The following AMD1 variants were observed in gnomAD, a reference collection of about 807,000 sequenced individuals.
The protein encoded by AMD1 is adenosylmethionine decarboxylase 1, also known as S-adenosylmethionine decarboxylase proenzyme.
A neutral mutation model predicts 40.2 loss-of-function variants in AMD1; 11 were observed. That is an observed-to-expected ratio of 0.27 (90% CI 0.17 to 0.45). The LOEUF (loss-of-function observed/expected upper bound fraction) is 0.45, where lower values mean the gene tolerates loss of function less well. Among genes scored for constraint, AMD1 ranks in the 20% least tolerant of loss-of-function variants. AMD1 has a pLI of 1.00. For missense variants in AMD1, 257 were observed against 410.2 expected, an observed-to-expected ratio of 0.63 and a Z score of 3.23; for synonymous variants, 121 against 130.8, an observed-to-expected ratio of 0.93 and a Z score of 0.51.
chr6:110,815,044 G>A, the AMD1 span: 1 of 1,604,648 alleles, frequency 6.2e-7, no homozygotes, highest in Non-Finnish European at 8.5e-7. Flanking sequence ...CGTGACCGTA[G>A]GTGCCGCGTC....
At chr6:110,827,830 A>G in the AMD1 span, among the ~76,000 whole-genome samples, 3 of 151,870 alleles carry the variant, frequency 2.0e-5, no homozygotes, top group African/African-American at 7.2e-5. Flanking sequence ...TTTTAGTGGT[A>G]TTACTCTACT....
the AMD1 span, chr6:110,815,181 G>T: frequency 6.5e-7 from 1 of 1,541,918 alleles, no homozygotes; most frequent in Non-Finnish European, 8.7e-7. Context: ...GGCCGCCGCC[G>T]CTCAGTCCCT....
At chr6:110,876,226 G>A (rs960675382) in intron 1 of AMD1, among the ~76,000 whole-genome samples, 6 of 152,238 alleles carry the variant, frequency 3.9e-5, no homozygotes, top group Non-Finnish European at 2.9e-5. Context: ...GGATGCTTAG[G>A]CCTTGTTCCT....
the AMD1 span, among the ~76,000 whole-genome samples, chr6:110,854,795 GT>G: frequency 4.6e-5 from 7 of 151,988 alleles, no homozygotes; most frequent in Non-Finnish European, 8.8e-5. Context: ...CGTTAATTGA[GT>G]TTATATTGAA....
the AMD1 span, among the ~76,000 whole-genome samples, chr6:110,844,943 CAGA>C: frequency 6.6e-6 from 1 of 151,466 alleles, no homozygotes. Context: ...CTAATCATCA[CAGA>C]AGGTGAAATG....
At chr6:110,857,527 G>A in the AMD1 span, among the ~76,000 whole-genome samples, 7 of 116,456 alleles carry the variant, frequency 6.0e-5, no homozygotes, top group African/African-American at 2.1e-4. Flanking sequence ...GTGAAACTCT[G>A]TCTCAAAAAA....
chr6:110,837,177 A>C, the AMD1 span, among the ~76,000 whole-genome samples: 1 of 132,776 alleles, frequency 7.5e-6, no homozygotes, highest in Non-Finnish European at 1.7e-5. Flanking sequence ...CGTCTCAAAA[A>C]AAAAAAAAAA....
chr6:110,820,244 T>C, the AMD1 span, among the ~76,000 whole-genome samples: 15 of 151,500 alleles, frequency 9.9e-5, no homozygotes, highest in Non-Finnish European at 1.5e-4. Context: ...TTCTTTCTTT[T>C]TTTTTTTTTG....
intron 4 of AMD1, 104 bp from the exon 5 acceptor site, chr6:110,892,057 A>T: frequency 7.6e-7 from 1 of 1,320,534 alleles, no homozygotes; most frequent in South Asian, 1.2e-5. Flanking sequence ...GACATTTCTA[A>T]TAAGTGGCAA....
chr6:110,839,619 T>C, the AMD1 span, among the ~76,000 whole-genome samples: 4 of 152,254 alleles, frequency 2.6e-5, no homozygotes, highest in Non-Finnish European at 5.9e-5. Flanking sequence ...AGCCTCAATC[T>C]AAAAAATAAA....
chr6:110,889,062 T>G, intron 3 of AMD1, 79 bp downstream of exon 3: 1 of 1,525,110 alleles, frequency 6.6e-7, no homozygotes, highest in South Asian at 1.2e-5. Flanking sequence ...GTAAATAAAT[T>G]TATATACTTA....
chr6:110,880,580 C>A (rs80098969), intron 1 of AMD1, among the ~76,000 whole-genome samples: 4,209 of 152,270 alleles, frequency 0.028, 90 homozygotes, highest in South Asian at 0.1. Context: ...TGCATGTGGA[C>A]ATCCATTTTT....
chr6:110,884,310 A>G (rs1785569193), intron 1 of AMD1, among the ~76,000 whole-genome samples: 1 of 152,254 alleles, frequency 6.6e-6, no homozygotes, highest in Admixed American at 6.5e-5. Flanking sequence ...CCAGGATGCC[A>G]TCCTAAATTA....
chr6:110,892,207 T>C lies in AMD1; in HGVS notation c.470+4T>C, dbSNP rs1407446416. ...GACGTATGAATTCTGACTGTTGGTA[T>C]GTTTAATGCAATTTTGTGGATTTTT... On this transcript the variant is annotated splice_donor_region_variant and intron_variant, in intron 5 of 8. Transcript: ENST00000368885. The C allele has an allele frequency of 6.8e-6, 11 of 1,613,760 alleles. No individual in the cohort carries two copies. Among genetic ancestry groups the C allele is most frequent in the Admixed American group, 6.7e-5 (4 of 60,004 alleles).
intron 3 of AMD1, 139 bp from the exon 4 acceptor site, chr6:110,890,115 A>G (rs1785931756): frequency 3.2e-6 from 2 of 625,284 alleles, no homozygotes; most frequent in African/African-American, 1.9e-5. Context: ...GGCATATGCT[A>G]CCATGCCAAG....
At chr6:110,846,039 A>C in the AMD1 span, among the ~76,000 whole-genome samples, 1 of 152,224 alleles carries the variant, frequency 6.6e-6, no homozygotes, top group South Asian at 2.1e-4. Context: ...CAGATGTTCG[A>C]GACCAGCCTG....
intron 8 of AMD1, 132 bp from the exon 9 acceptor site, chr6:110,893,344 C>T: frequency 7.9e-7 from 1 of 1,272,682 alleles, no homozygotes; most frequent in Non-Finnish European, 1.1e-6. Flanking sequence ...GCCCCTCCAG[C>T]ACATAAGAAG....
the AMD1 span, among the ~76,000 whole-genome samples, chr6:110,850,762 C>G: frequency 6.6e-6 from 1 of 152,138 alleles, no homozygotes; most frequent in South Asian, 2.1e-4. Flanking sequence ...AGCAGAGCAG[C>G]TGGAGGTAGC....
rs552184105 is a variant in AMD1 at position 110,875,569 on chromosome 6, C to G, written c.110+354C>G. The G allele has an allele frequency of 6.0e-5, 11 of 183,370 alleles. No individual in the cohort carries two copies. The South Asian group carries it at 1.7e-3, about 28-fold the overall frequency. 11.4% of individuals were successfully genotyped at this position (183,370 alleles called of 1,614,324 possible). On this transcript the variant is annotated intron_variant, in intron 1 of 8. Transcript: ENST00000368885. ...CGACATTTCCCTCCGTAGTAGTTGG[C>G]GGCAGGGGCCCCAGGTGGGGGTCGG...
Sources: allele counts gnomAD v4.1 joint callset (sites outside exome capture counted in the v4.1 genomes callset), GRCh38; gene constraint gnomAD v4.1.1; transcripts MANE v1.5; gene names NCBI Gene and HGNC (gene_info 2026-07-23, HGNC 2026-07-21).